The following GP6 variants were observed in gnomAD, a reference collection of about 807,000 sequenced individuals.
GP6 encodes glycoprotein VI platelet, also known as platelet glycoprotein VI.
A neutral mutation model predicts 37.3 loss-of-function variants in GP6; 45 were observed. That is an observed-to-expected ratio of 1.21 (90% CI 0.95 to 1.55). The LOEUF is 1.55. Among genes scored for constraint, GP6 ranks in the 40% most tolerant of loss-of-function variants. The pLI is 0.00. For missense variants in GP6, 813 were observed against 760.2 expected, an observed-to-expected ratio of 1.07 and a Z score of -0.82; for synonymous variants, 340 against 316.4, an observed-to-expected ratio of 1.07 and a Z score of -0.79.
At chr19:55,018,592 GAA>G in intron 6 of GP6, 58 bp downstream of exon 6, 1 of 950,944 alleles carries the variant, frequency 1.1e-6, no homozygotes, top group Admixed American at 1.7e-5. Flanking sequence ...TTAGATAATG[GAA>G]GAGAGAGCTC....
intron 5 of GP6, among the ~76,000 whole-genome samples, chr19:55,022,079 T>C (rs894945813): frequency 3.3e-5 from 5 of 152,200 alleles, no homozygotes; most frequent in Non-Finnish European, 5.9e-5. Flanking sequence ...TTGCAAACAT[T>C]TTCTCCCATT....
At position 55,014,544 on chromosome 19, in the gene GP6, G is replaced by T; in HGVS notation, c.1401C>A (p.Ser467=). 6.2e-7 allele frequency: 1 copy of T among 1,613,602 alleles called. No individual in the cohort carries two copies. Among genetic ancestry groups the T allele is most frequent in the Non-Finnish European group, 8.5e-7 (1 of 1,179,502 alleles). ...GAAGCACGGGAGGATTTTGCACAGAGGATGGAACAGAGTCAACCCTGAGAG... is the reference window on the plus strand; with the variant it reads ...GAAGCACGGGAGGATTTTGCACAGATGATGGAACAGAGTCAACCCTGAGAG... The change falls in exon 8 of 8, where the codon TCC becomes TCA. Residue 467 remains serine, a synonymous_variant. Transcript: ENST00000310373.
chr19:55,018,508 T>C (rs2073957798), intron 6 of GP6, 144 bp downstream of exon 6: 3 of 758,216 alleles, frequency 4.0e-6, no homozygotes, highest in African/African-American at 1.7e-5. Flanking sequence ...TCTGCACCCA[T>C]GCTCTAGCCT....
At chr19:55,018,594 A>C in intron 6 of GP6, 58 bp downstream of exon 6, 4 of 960,252 alleles carry the variant, frequency 4.2e-6, no homozygotes, top group Non-Finnish European at 3.4e-6. Context: ...AGATAATGGA[A>C]GAGAGAGCTC....
At chr19:55,031,996 T>C (rs1040566603) in intron 3 of GP6, 143 bp downstream of exon 3, 36 of 804,306 alleles carry the variant, frequency 4.5e-5, no homozygotes, top group Non-Finnish European at 7.0e-5. Flanking sequence ...ATTATTCACA[T>C]TGATCCATAA....
At chr19:55,033,592 A>C (rs1259661721) in intron 1 of GP6, among the ~76,000 whole-genome samples, 1 of 152,074 alleles carries the variant, frequency 6.6e-6, no homozygotes, top group Non-Finnish European at 1.5e-5. Flanking sequence ...AGTGGATGTG[A>C]GGAATGGGAC....
intron 5 of GP6, 99 bp downstream of exon 5, chr19:55,025,118 AC>A: frequency 1.3e-6 from 1 of 751,194 alleles, no homozygotes; most frequent in Non-Finnish European, 2.4e-6. Context: ...CTGTGAAAGA[AC>A]CAACTGAATT....
rs1568586919 is a variant in GP6, at chr19:55,014,697, C to A, written c.1248G>T (p.Arg416Ser). The A allele has an allele frequency of 6.2e-7, 1 of 1,613,894 alleles. No homozygotes were observed. The highest frequency in any genetic ancestry group is 8.5e-7 in the Non-Finnish European group (1 of 1,179,966). The change falls in exon 8 of 8, where the codon AGG (arginine) becomes AGT (serine). Residue 416 changes from arginine (R) to serine (S), a missense_variant. Transcript: ENST00000310373. ...GAGGAGGATGGGGTCTCCACAGATT[C>A]CTTCCATCCCAAATGGAGGGTGCCC...
chr19:55,017,527 A>AG (rs1292676636), intron 6 of GP6, among the ~76,000 whole-genome samples: 4 of 152,088 alleles, frequency 2.6e-5, no homozygotes, highest in African/African-American at 7.2e-5. Context: ...GGGGAAATGG[A>AG]AGAAAAGGCA....
At chr19:55,036,561 TGA>T (rs1297943380) in intron 1 of GP6, among the ~76,000 whole-genome samples, 21 of 151,638 alleles carry the variant, frequency 1.4e-4, no homozygotes, top group African/African-American at 4.6e-4. Flanking sequence ...AAGCCAGGCA[TGA>T]TGGTGTACAA....
rs563944012 is a variant in GP6 at position 55,015,160 on chromosome 19, C to A, written c.785G>T (p.Cys262Phe). ...TTGCCCTTGGTGTAGTACTGGCGGG[C>A]AGGACCTGGAGGAATGAGGAGAGGC... is the stretch of plus-strand genomic sequence containing the variant. Residue 262 changes from cysteine to phenylalanine, a missense_variant, in exon 8 of 8, where the codon TGC becomes TTC. Transcript: ENST00000310373. The A allele has an allele frequency of 2.4e-5, 37 of 1,558,376 alleles. No individual in the cohort carries two copies. The African/African-American group carries it at 4.6e-4, about 19-fold the overall frequency.
intron 7 of GP6, among the ~76,000 whole-genome samples, chr19:55,015,459 T>C (rs1390540961): frequency 6.6e-6 from 1 of 152,002 alleles, no homozygotes; most frequent in African/African-American, 2.4e-5. Context: ...TTATAAGGGG[T>C]GGGGAAGAGA....
chr19:55,017,946 TAA>T (rs2073936252), intron 6 of GP6, among the ~76,000 whole-genome samples: 1 of 152,002 alleles, frequency 6.6e-6, no homozygotes, highest in Non-Finnish European at 1.5e-5. Context: ...CATGCACCTA[TAA>T]TCCCAGCTAC....
chr19:55,037,366 T>G (rs2074871081), intron 1 of GP6, among the ~76,000 whole-genome samples: 1 of 150,308 alleles, frequency 6.7e-6, no homozygotes, highest in South Asian at 2.1e-4. Flanking sequence ...AGACGGAGTT[T>G]CGCTCTTGTT....
chr19:55,029,610 G>A (rs1345060828), intron 3 of GP6, among the ~76,000 whole-genome samples: 2 of 150,746 alleles, frequency 1.3e-5, no homozygotes, highest in African/African-American at 2.4e-5. Flanking sequence ...GGCTGATCTC[G>A]AACTCCTGAC....
chr19:55,024,390 T>C (rs1174155609), intron 5 of GP6, among the ~76,000 whole-genome samples: 1 of 52,040 alleles, frequency 1.9e-5, no homozygotes, highest in African/African-American at 5.2e-5. Flanking sequence ...TGTGACCATC[T>C]TCCATGTCCC....
chr19:55,018,933 T>C (rs958913653), intron 5 of GP6: 19 of 605,202 alleles, frequency 3.1e-5, no homozygotes, highest in Middle Eastern at 4.3e-4. Flanking sequence ...TGGTTTTTTT[T>C]CCACGTTTTG....
chr19:55,032,272 G>A lies in GP6; in HGVS notation c.192C>T (p.Ser64=). Residue 64 remains serine (S), a synonymous_variant, in exon 3 of 8, where the codon TCC becomes TCT. Transcript: ENST00000310373. ...GGACTGCCTGATCCTGGTACCTGCT[G>A]GAACTCAGCTTCTCCAGGCGGTACA... The A allele has an allele frequency of 1.9e-6, 3 of 1,614,176 alleles. No homozygotes were observed. The highest frequency in any genetic ancestry group is 2.2e-5 in the East Asian group (1 of 44,868).
chr19:55,018,075 TA>T (rs1360585806), intron 6 of GP6, among the ~76,000 whole-genome samples: 1 of 40,276 alleles, frequency 2.5e-5, no homozygotes, highest in African/African-American at 5.7e-5. Flanking sequence ...CTCAAAAAAA[TA>T]AAAAATAGAA....
Sources: allele counts gnomAD v4.1 joint callset (sites outside exome capture counted in the v4.1 genomes callset), GRCh38; gene constraint gnomAD v4.1.1; transcripts MANE v1.5; gene names NCBI Gene and HGNC (gene_info 2026-07-23, HGNC 2026-07-21).